Variants in PTPRD observed in about 807,000 individuals in gnomAD.
PTPRD encodes receptor-type tyrosine-protein phosphatase delta.
Under a neutral mutation model 214.5 loss-of-function variants are expected in PTPRD, and 34 were observed. The observed-to-expected ratio is 0.16, with a 90% CI of 0.12 to 0.21. The LOEUF (loss-of-function observed/expected upper bound fraction) is 0.21. Among genes scored for constraint, PTPRD ranks in the 10% least tolerant of loss-of-function variants. The pLI is 1.00. For synonymous variants in PTPRD, 1,128 were observed against 845.7 expected (o/e 1.33, Z -5.79); for missense variants, 2,545 against 2,398.7 (o/e 1.06, Z -1.27).
At chr9:9,228,742 C>T (rs1214267749) in intron 9 of PTPRD, among the ~76,000 whole-genome samples, 5 of 152,076 alleles carry the variant, frequency 3.3e-5, no homozygotes, top group Admixed American at 1.3e-4. Flanking sequence ...AAATGCCTAG[C>T]GTAAAGCCTA....
intron 8 of PTPRD, among the ~76,000 whole-genome samples, chr9:9,559,564 T>A (rs1449222452): frequency 6.6e-6 from 1 of 152,176 alleles, no homozygotes; most frequent in Non-Finnish European, 1.5e-5. Flanking sequence ...CAATCCCAGG[T>A]AAGAGGGGCA....
chr9:9,403,424 T>TCTCTCTCC (rs2071791161), intron 8 of PTPRD, among the ~76,000 whole-genome samples: 1 of 151,106 alleles, frequency 6.6e-6, no homozygotes, highest in South Asian at 2.1e-4. Flanking sequence ...TCTCTCTTTC[T>TCTCTCTCC]CTCTCTCTCT....
intron 3 of PTPRD, among the ~76,000 whole-genome samples, chr9:10,323,198 T>C (rs2096582872): frequency 7.8e-6 from 1 of 128,332 alleles, no homozygotes; most frequent in African/African-American, 3.0e-5. Context: ...TCTTTCTTTC[T>C]TCTTCCCTCC....
intron 7 of PTPRD, among the ~76,000 whole-genome samples, chr9:9,585,128 TC>T (rs201152336): frequency 0.011 from 1,641 of 152,210 alleles, 16 homozygotes; most frequent in Non-Finnish European, 0.016. Context: ...GTTTTTATGT[TC>T]TCATGATTAC....
rs186982987 is a variant in PTPRD at position 8,924,450 on chromosome 9, T to C, written c.-104+94247A>G. On this transcript the variant is annotated intron_variant, in intron 11 of 45. Coordinates refer to ENST00000381196, the MANE Select transcript of PTPRD (RefSeq NM_002839.4). ...ATGTCAAATTCACTCTTAGGTGCTCTTGGCATGTTGCATCAATTTGCGGAA... is the reference window on the plus strand; with the variant it reads ...ATGTCAAATTCACTCTTAGGTGCTCCTGGCATGTTGCATCAATTTGCGGAA... Among the ~76,000 whole-genome samples the C allele has an allele frequency of 1.3e-4, 20 of 152,334 alleles. No homozygotes were observed. The South Asian group carries it at 3.1e-3, about 24-fold the overall frequency.
In PTPRD at chr9:8,728,204, C is replaced by T. The variant is rs77368179; in HGVS notation, c.64+5576G>A. ...GGCGGAGGTTGCGATGAGCCAAGAT[C>T]GTGCCATTGCACCCCAGCCTGGGTA... On this transcript the variant is annotated intron_variant, in intron 12 of 45. Transcript: ENST00000381196. Among the ~76,000 whole-genome samples, 66 of 152,226 alleles carry T rather than the reference C, an allele frequency of 4.3e-4. 2 individuals carry two copies. In the East Asian group the frequency reaches 0.011, roughly 25 times the overall value.
intron 5 of PTPRD, among the ~76,000 whole-genome samples, chr9:9,851,830 T>C (rs1416795891): frequency 2.0e-5 from 3 of 152,236 alleles, no homozygotes; most frequent in Non-Finnish European, 4.4e-5. Flanking sequence ...CATATGTGTT[T>C]GTTGCTTCTT....
At chr9:10,477,400 T>C (rs1724220029) in intron 2 of PTPRD, among the ~76,000 whole-genome samples, 1 of 152,142 alleles carries the variant, frequency 6.6e-6, no homozygotes, top group Non-Finnish European at 1.5e-5. Flanking sequence ...TCAGTGGTCA[T>C]CAGAGAAATG....
intron 7 of PTPRD, among the ~76,000 whole-genome samples, chr9:9,701,802 T>C (rs187742821): frequency 4.6e-5 from 7 of 152,246 alleles, no homozygotes; most frequent in Non-Finnish European, 8.8e-5. Flanking sequence ...AAGCTTTCTA[T>C]ATAAACTGAT....
At chr9:10,082,966 C>T (rs1038265888) in intron 3 of PTPRD, among the ~76,000 whole-genome samples, 5 of 151,844 alleles carry the variant, frequency 3.3e-5, no homozygotes, top group African/African-American at 1.2e-4. Context: ...TTTAAGAAAA[C>T]AACAGCCACA....
intron 9 of PTPRD, among the ~76,000 whole-genome samples, chr9:9,319,150 T>G (rs576582921): frequency 6.6e-5 from 10 of 152,196 alleles, no homozygotes; most frequent in Non-Finnish European, 1.5e-4. Flanking sequence ...ACTTCAGCAG[T>G]GGCACGGGGT....
chr9:9,433,370 G>A (rs1049243717), intron 8 of PTPRD, among the ~76,000 whole-genome samples: 2 of 152,120 alleles, frequency 1.3e-5, no homozygotes, highest in African/African-American at 4.8e-5. Flanking sequence ...GATTTATAAT[G>A]AGTATTGCAG....
chr9:8,687,282 T>C (rs72700355), intron 12 of PTPRD, among the ~76,000 whole-genome samples: 1 of 152,218 alleles, frequency 6.6e-6, no homozygotes, highest in Non-Finnish European at 1.5e-5. Flanking sequence ...ATCTCCCAAT[T>C]TTTCTATGTT....
At chr9:10,527,230 G>C (rs185437873) in intron 2 of PTPRD, among the ~76,000 whole-genome samples, 1 of 152,110 alleles carries the variant, frequency 6.6e-6, no homozygotes, top group South Asian at 2.1e-4. Context: ...AAATATGCTC[G>C]CAAGTCTGCT....
chr9:8,856,504 CTGTT>C (rs1349213362), intron 11 of PTPRD, among the ~76,000 whole-genome samples: 1 of 152,138 alleles, frequency 6.6e-6, no homozygotes, highest in African/African-American at 2.4e-5. Context: ...GAGCTACACT[CTGTT>C]AAGTCACTGG....
chr9:8,866,906 C>T (rs1355051790), intron 11 of PTPRD, among the ~76,000 whole-genome samples: 2 of 152,100 alleles, frequency 1.3e-5, no homozygotes, highest in Admixed American at 1.3e-4. Context: ...AAAGCACTAA[C>T]CTCCAAGATA....
In PTPRD at chr9:9,674,549, T is replaced by C. The variant is rs550757521; in HGVS notation, c.-287+59984A>G. Among the ~76,000 whole-genome samples, 18 of 151,950 alleles carry C rather than the reference T, an allele frequency of 1.2e-4. No homozygotes were observed. The South Asian group carries it at 3.5e-3, about 30-fold the overall frequency. On this transcript the variant is annotated intron_variant, in intron 7 of 45. Coordinates refer to ENST00000381196, the MANE Select transcript of PTPRD (RefSeq NM_002839.4). ...GTTTAGTTGATTTTTAAAAATTAAA[T>C]ATGCTATGTAAGACACGTTCATATA... is the stretch of plus-strand genomic sequence containing the variant.
chr9:9,970,000 T>G (rs540044192), intron 4 of PTPRD, among the ~76,000 whole-genome samples: 9 of 152,200 alleles, frequency 5.9e-5, no homozygotes, highest in Non-Finnish European at 1.3e-4. Flanking sequence ...GAACTGTCAT[T>G]CAGTAGACAT....
intron 3 of PTPRD, among the ~76,000 whole-genome samples, chr9:10,246,377 G>T (rs1311994034): frequency 6.6e-6 from 1 of 152,056 alleles, no homozygotes; most frequent in Non-Finnish European, 1.5e-5. Flanking sequence ...CCAAGTAGGT[G>T]GGATTACAGG....
Sources: allele counts gnomAD v4.1 joint callset (sites outside exome capture counted in the v4.1 genomes callset), GRCh38; gene constraint gnomAD v4.1.1; transcripts MANE v1.5; gene names NCBI Gene and HGNC (gene_info 2026-07-23, HGNC 2026-07-21).